Variants in FAM186A observed in about 807,000 individuals in gnomAD.
FAM186A encodes family with sequence similarity 186 member A, also known as protein FAM186A.
Under a neutral mutation model 216.8 loss-of-function variants are expected in FAM186A, and 163 were observed. The ratio of observed to expected loss-of-function variants is 0.75; its 90% CI spans 0.66 to 0.86. The LOEUF (loss-of-function observed/expected upper bound fraction) is 0.86, where lower values mean the gene tolerates loss of function less well. Among genes scored for constraint, FAM186A ranks in the 40% least tolerant of loss-of-function variants. The pLI is 0.00. For synonymous variants in FAM186A, 805 were observed against 1,025.3 expected, an observed-to-expected ratio of 0.79 and a Z score of 4.10; for missense variants, 2,184 against 2,746.2, an observed-to-expected ratio of 0.80 and a Z score of 4.58.
At chr12:50,339,415 T>C (rs893464396) in intron 4 of FAM186A, among the ~76,000 whole-genome samples, 5 of 152,204 alleles carry the variant, frequency 3.3e-5, no homozygotes, top group Non-Finnish European at 5.9e-5. Flanking sequence ...CATAGAATCC[T>C]TTTAAAACAA....
At position 50,350,637 on chromosome 12, in the gene FAM186A, G is replaced by T. The variant is rs1170732356; in HGVS notation, c.6195C>A (p.Tyr2065Ter). The change falls in exon 4 of 8, where the codon TAC becomes TAA. Residue 2065 changes from tyrosine (Y) to a stop codon, truncating the protein, a stop_gained. Coordinates refer to ENST00000327337, the MANE Select transcript of FAM186A (RefSeq NM_001145475.3). LOFTEE classifies it high-confidence loss of function. Reference sequence around the variant, plus strand: ...CTATAGGAGGGAATCGGGATTTCTGGTACCATTCCAAAGGTGAAATCTGTG... The same window carrying T: ...CTATAGGAGGGAATCGGGATTTCTGTTACCATTCCAAAGGTGAAATCTGTG... The part of the protein sequence containing the change: ...RTSQISPLEW[Y>*]QKSRFPPIDK... 5.8e-6 allele frequency: 9 copies of T among 1,551,506 alleles called. No individual in the cohort carries two copies. The highest frequency in any genetic ancestry group is 7.0e-6 in the Non-Finnish European group (8 of 1,147,000).
intron 4 of FAM186A, among the ~76,000 whole-genome samples, chr12:50,337,459 A>AT (rs770966416): frequency 0.027 from 3,629 of 133,492 alleles, 68 homozygotes; most frequent in Middle Eastern, 0.12. Context: ...AGGCCTGCCA[A>AT]TTTTTTTTTT....
rs1258852723 is a variant in FAM186A at position 50,352,404 on chromosome 12, G to A, written c.4428C>T (p.Ala1476=). 5 of 1,483,358 alleles carry A rather than the reference G, an allele frequency of 3.4e-6. No individual in the cohort carries two copies. The highest frequency in any genetic ancestry group is 2.7e-5 in the East Asian group (1 of 37,036). 91.9% of individuals were successfully genotyped at this position (1,483,358 alleles called of 1,614,324 possible). ...ELGIPLTPQQ[A]QALGIPLIPP... ...GGATGAGAGGGATCCCCAGGGCCTG[G>A]GCCTGCTGAGGGGTGAGAGGGATCC... The change falls in exon 4 of 8, where the codon GCC becomes GCT. Residue 1476 remains alanine, a synonymous_variant. Transcript: ENST00000327337.
intron 5 of FAM186A, among the ~76,000 whole-genome samples, chr12:50,332,890 T>C (rs1942669631): frequency 6.6e-6 from 1 of 151,700 alleles, no homozygotes; most frequent in Non-Finnish European, 1.5e-5. Context: ...TAACCAGACA[T>C]GGTGGCAGGC....
Position 50,350,969 on chromosome 12 carries a change from T to G in FAM186A, c.5863A>C (p.Arg1955=). ...KSWSPSVAKK[R]LAIISSLKSK... ...TTCAGAGAAGAAATAATTGCCAATCTTTTCTTAGCAACAGAAGGGGACCAA... is the reference window on the plus strand; with the variant it reads ...TTCAGAGAAGAAATAATTGCCAATCGTTTCTTAGCAACAGAAGGGGACCAA... Residue 1955 remains arginine, a synonymous_variant, in exon 4 of 8, where the codon AGA becomes CGA. Transcript: ENST00000327337. The G allele has an allele frequency of 6.4e-7, 1 of 1,551,502 alleles. No homozygotes were observed. Among genetic ancestry groups the G allele is most frequent in the Non-Finnish European group, 8.7e-7 (1 of 1,146,946 alleles).
intron 1 of FAM186A, among the ~76,000 whole-genome samples, chr12:50,389,267 G>A (rs1464392247): frequency 2.0e-5 from 3 of 151,978 alleles, no homozygotes; most frequent in African/African-American, 4.8e-5. Flanking sequence ...TTGGGAGGCC[G>A]AGGTGGGTGG....
At chr12:50,384,646 A>G (rs1943285215) in intron 1 of FAM186A, among the ~76,000 whole-genome samples, 1 of 136,922 alleles carries the variant, frequency 7.3e-6, no homozygotes, top group Non-Finnish European at 1.7e-5. Flanking sequence ...AAATCCACAC[A>G]TTTCACAGTC....
At position 50,396,323 on chromosome 12, in the gene FAM186A, A is replaced by G. The variant is rs1041438031; in HGVS notation, c.162T>C (p.Ile54=). The G allele has an allele frequency of 8.4e-6, 13 of 1,550,634 alleles. No individual in the cohort carries two copies. The highest frequency in any genetic ancestry group is 7.2e-5 in the South Asian group (6 of 83,578). Residue 54 remains isoleucine (I), a synonymous_variant, in exon 1 of 8, where the codon ATT becomes ATC. Coordinates refer to ENST00000327337, the MANE Select transcript of FAM186A (RefSeq NM_001145475.3). ...TGGCTCGATGGAGCTGTGCGCGCTC[A>G]ATCCTAGAGATGATATCCTTTACTG... ...PFSVKDIISR[I]ERAQLHRARE...
At position 50,379,467 on chromosome 12, in the gene FAM186A, GA is replaced by G. The variant is rs1330805457; in HGVS notation, c.193-16104del. On this transcript the variant is annotated intron_variant, in intron 1 of 7. Transcript: ENST00000327337. Reference sequence around the variant, plus strand: ...AAAAAAAAAGAAAGAAAAAAAGAGGGAAAAACAAAAACAAAAACAAAAAAAA... The same window carrying G: ...AAAAAAAAAGAAAGAAAAAAAGAGGGAAAACAAAAACAAAAACAAAAAAAA... Among the ~76,000 whole-genome samples the G allele has an allele frequency of 3.3e-3, 36 of 11,040 alleles. No homozygotes were observed. The East Asian group carries it at 0.068, about 21-fold the overall frequency. 7.2% of individuals were successfully genotyped at this position (11,040 alleles called of 152,430 possible).
chr12:50,394,879 C>T (rs1449596395), intron 1 of FAM186A, among the ~76,000 whole-genome samples: 1 of 151,366 alleles, frequency 6.6e-6, no homozygotes, highest in African/African-American at 2.4e-5. Context: ...CAAGTGCATA[C>T]CACCACTTCC....
At position 50,354,897 on chromosome 12, in the gene FAM186A, T is replaced by G; in HGVS notation, c.1935A>C (p.Arg645Ser). ...TAGATTCTGAAGTCTCTTTAGCCAC[T>G]CTTGAGAGTGATTTAACAAGTTGAT... ...KSHQLVKSLSRVAKETSESTR... is the reference protein window; with the variant it reads ...KSHQLVKSLSSVAKETSESTR... Residue 645 changes from arginine to serine, a missense_variant, in exon 4 of 8, where the codon AGA (arginine) becomes AGC (serine). Arg to Ser is a moderately radical substitution (Grantham distance 110). Transcript: ENST00000327337. 1 of 1,550,692 alleles carries G rather than the reference T, an allele frequency of 6.4e-7. No individual in the cohort carries two copies. The highest frequency in any genetic ancestry group is 8.7e-7 in the Non-Finnish European group (1 of 1,146,878).
chr12:50,372,460 G>T (rs1027808727), intron 1 of FAM186A, among the ~76,000 whole-genome samples: 1 of 151,996 alleles, frequency 6.6e-6, no homozygotes, highest in South Asian at 2.1e-4. Flanking sequence ...CGGGCATGGT[G>T]GTGGGCACCT....
rs1394396283 is a variant in FAM186A, at chr12:50,330,665, C to T, written c.6942G>A (p.Trp2314Ter). Reference sequence around the variant, plus strand: ...TATCTGGGTACCCACCCAGCTGGGCCCAGAGTGAATGCATAGATGTCTTCT... The same window carrying T: ...TATCTGGGTACCCACCCAGCTGGGCTCAGAGTGAATGCATAGATGTCTTCT... ...IAEKTSMHSLWAQLGGYPDIP... is the reference protein window; with the variant it reads ...IAEKTSMHSL The change falls in exon 7 of 8, where the codon TGG becomes TGA. Residue 2314 changes from tryptophan to a stop codon, truncating the protein, a stop_gained. Transcript: ENST00000327337. LOFTEE classifies it high-confidence loss of function. 6.5e-7 allele frequency: 1 copy of T among 1,550,228 alleles called. No individual in the cohort carries two copies. Among genetic ancestry groups the T allele is most frequent in the African/African-American group, 1.4e-5 (1 of 72,908 alleles).
intron 1 of FAM186A, among the ~76,000 whole-genome samples, chr12:50,370,804 T>C (rs528962298): frequency 1.3e-5 from 2 of 152,142 alleles, no homozygotes; most frequent in Admixed American, 6.6e-5. Context: ...TTTATATATA[T>C]ACACAATGGA....
At chr12:50,358,596 C>CA (rs1333943435) in intron 3 of FAM186A, among the ~76,000 whole-genome samples, 141 of 148,932 alleles carry the variant, frequency 9.5e-4, no homozygotes, top group Middle Eastern at 3.4e-3. Flanking sequence ...CAAAACAAAA[C>CA]AAAACAAAAA....
At chr12:50,361,918 A>C (rs1005784840) in intron 2 of FAM186A, among the ~76,000 whole-genome samples, 9 of 151,524 alleles carry the variant, frequency 5.9e-5, no homozygotes, top group Non-Finnish European at 7.4e-5. Context: ...CTAGCAACAA[A>C]ATAAAATTCC....
At chr12:50,391,734 TA>T (rs1943359159) in intron 1 of FAM186A, among the ~76,000 whole-genome samples, 1 of 152,190 alleles carries the variant, frequency 6.6e-6, no homozygotes, top group African/African-American at 2.4e-5. Context: ...GCCTCCCAAG[TA>T]GCTGGGATTA....
At chr12:50,346,876 C>T (rs1942824120) in intron 4 of FAM186A, among the ~76,000 whole-genome samples, 1 of 151,136 alleles carries the variant, frequency 6.6e-6, no homozygotes, top group South Asian at 2.1e-4. Flanking sequence ...ATAAAATAAA[C>T]ATACAAAAAT....
intron 1 of FAM186A, among the ~76,000 whole-genome samples, chr12:50,373,377 A>G (rs1055202338): frequency 6.6e-6 from 1 of 152,220 alleles, no homozygotes; most frequent in Non-Finnish European, 1.5e-5. Context: ...AGCCTGGATG[A>G]CAGAGTAAGA....
Sources: gnomAD v4.1 joint callset for allele counts (sites outside exome capture counted in the v4.1 genomes callset) on GRCh38, gnomAD v4.1.1 for gene constraint, MANE v1.5 for transcripts, NCBI Gene and HGNC (gene_info 2026-07-23, HGNC 2026-07-21) for gene names.